The following PHF24 variants were observed in gnomAD, a reference collection of about 807,000 sequenced individuals.
The protein encoded by PHF24 is Galpha inhibitory interacting protein.
PHF24 carries 25 observed loss-of-function variants against 42.6 expected under a neutral mutation model. The observed-to-expected ratio is 0.59, with a 90% CI of 0.43 to 0.82. PHF24 has a LOEUF of 0.82. Among genes scored for constraint, PHF24 ranks in the 40% least tolerant of loss-of-function variants. PHF24 has a pLI of 0.00. For synonymous variants in PHF24, 185 were observed against 204.8 expected, an observed-to-expected ratio of 0.90 and a Z score of 0.83; for missense variants, 470 against 538.1, an observed-to-expected ratio of 0.87 and a Z score of 1.25.
At chr9:34,840,579 G>T in the PHF24 span, among the ~76,000 whole-genome samples, 1 of 150,758 alleles carries the variant, frequency 6.6e-6, no homozygotes, top group African/African-American at 2.4e-5. Flanking sequence ...ACCCAGGCTG[G>T]AGTGCAGTGA....
At chr9:34,822,914 C>T in the PHF24 span, among the ~76,000 whole-genome samples, 5 of 152,058 alleles carry the variant, frequency 3.3e-5, no homozygotes, top group African/African-American at 9.7e-5. Flanking sequence ...AAAGATTGTC[C>T]GGCCGGGCGC....
At chr9:34,812,418 C>T in the PHF24 span, among the ~76,000 whole-genome samples, 1 of 152,174 alleles carries the variant, frequency 6.6e-6, no homozygotes, top group African/African-American at 2.4e-5. Context: ...CTCTATATGA[C>T]CTGGCAATTC....
chr9:34,886,486 A>G, the PHF24 span, among the ~76,000 whole-genome samples: 1 of 152,142 alleles, frequency 6.6e-6, no homozygotes, highest in Admixed American at 6.6e-5. Flanking sequence ...CCGCATCTTA[A>G]TTGACTGATT....
At chr9:34,885,768 T>C in the PHF24 span, among the ~76,000 whole-genome samples, 1 of 152,138 alleles carries the variant, frequency 6.6e-6, no homozygotes, top group East Asian at 1.9e-4. Flanking sequence ...CTCCTGCTGG[T>C]ACAGTGTTCC....
the PHF24 span, among the ~76,000 whole-genome samples, chr9:34,854,540 G>A: frequency 1.3e-5 from 2 of 151,926 alleles, no homozygotes. Context: ...ATTTACCTAC[G>A]AATCATTCAG....
At chr9:34,779,392 G>A in the PHF24 span, among the ~76,000 whole-genome samples, 2 of 152,104 alleles carry the variant, frequency 1.3e-5, no homozygotes, top group East Asian at 1.9e-4. Context: ...GTGTTTCTAC[G>A]TTGAGGATCA....
At chr9:34,701,504 G>A in the PHF24 span, among the ~76,000 whole-genome samples, 1 of 152,168 alleles carries the variant, frequency 6.6e-6, no homozygotes, top group Non-Finnish European at 1.5e-5. The surrounding 1 kb of genome is among the most constrained non-coding windows in gnomAD (Gnocchi z 5.8). Flanking sequence ...GGCTGCGGCA[G>A]AGGGGTGGGC....
At chr9:34,895,742 A>G in the PHF24 span, 1 of 403,144 alleles carries the variant, frequency 2.5e-6, no homozygotes, top group Admixed American at 4.4e-5. Context: ...CTCACTAGCC[A>G]TCCCTCTCCC....
the PHF24 span, among the ~76,000 whole-genome samples, chr9:34,694,972 A>T: frequency 1.1e-4 from 17 of 152,192 alleles, no homozygotes; most frequent in Admixed American, 7.2e-4. Flanking sequence ...TCTGACATAT[A>T]GCTCCTAAAA....
the PHF24 span, among the ~76,000 whole-genome samples, chr9:34,795,875 G>A: frequency 6.6e-6 from 1 of 152,010 alleles, no homozygotes; most frequent in Non-Finnish European, 1.5e-5. Context: ...GTACATGCCT[G>A]TAGTCCTAGC....
chr9:34,875,962 T>A, the PHF24 span, among the ~76,000 whole-genome samples: 9,819 of 43,542 alleles, frequency 0.23, 317 homozygotes, highest in Middle Eastern at 0.27. Context: ...TCTCTCTCTC[T>A]CTCTCTCTCT....
chr9:34,843,589 A>G, the PHF24 span, among the ~76,000 whole-genome samples: 4 of 152,126 alleles, frequency 2.6e-5, no homozygotes, highest in Non-Finnish European at 4.4e-5. Flanking sequence ...ACGTTTTTCA[A>G]TTTCTGTAGT....
the PHF24 span, among the ~76,000 whole-genome samples, chr9:34,761,199 CCTCT>C: frequency 6.6e-6 from 1 of 152,048 alleles, no homozygotes; most frequent in East Asian, 1.9e-4. Flanking sequence ...TGGTCTCTCT[CCTCT>C]CTCAACTTCT....
chr9:34,763,513 T>C, the PHF24 span, among the ~76,000 whole-genome samples: 1 of 152,170 alleles, frequency 6.6e-6, no homozygotes, highest in Non-Finnish European at 1.5e-5. Context: ...GTTATTGGTA[T>C]ACAAGAATGC....
the PHF24 span, among the ~76,000 whole-genome samples, chr9:34,871,914 A>G: frequency 6.6e-6 from 1 of 152,202 alleles, no homozygotes; most frequent in Non-Finnish European, 1.5e-5. Context: ...CATTATCCAT[A>G]AAATAGCTGC....
the PHF24 span, among the ~76,000 whole-genome samples, chr9:34,803,187 G>A: frequency 2.6e-5 from 4 of 152,142 alleles, no homozygotes; most frequent in African/African-American, 4.8e-5. Context: ...CAAGAATCAC[G>A]TTCCAGGTGG....
At chr9:34,960,746 C>T (rs1826561935) in intron 1 of PHF24, among the ~76,000 whole-genome samples, 1 of 152,164 alleles carries the variant, frequency 6.6e-6, no homozygotes, top group Non-Finnish European at 1.5e-5. Flanking sequence ...TCAGCTTCCC[C>T]ATGTCCAGCA....
the PHF24 span, among the ~76,000 whole-genome samples, chr9:34,947,756 G>A: frequency 6.6e-6 from 1 of 152,052 alleles, no homozygotes; most frequent in Non-Finnish European, 1.5e-5. Flanking sequence ...TAATGCGTGC[G>A]TGTTCGTGTC....
At chr9:34,907,476 C>G in the PHF24 span, among the ~76,000 whole-genome samples, 1 of 152,144 alleles carries the variant, frequency 6.6e-6, no homozygotes, top group Non-Finnish European at 1.5e-5. Context: ...TTCATAGACC[C>G]TTCTAAAGGT....
Sources: gnomAD v4.1 joint callset for allele counts (sites outside exome capture counted in the v4.1 genomes callset) on GRCh38, gnomAD v4.1.1 for gene constraint, Gnocchi (gnomAD v3.1) non-coding constraint, MANE v1.5 for transcripts, NCBI Gene and HGNC (gene_info 2026-07-23, HGNC 2026-07-21) for gene names.